The following HERC4 variants were observed in gnomAD, a reference collection of about 807,000 sequenced individuals.
The protein encoded by HERC4 is probable E3 ubiquitin-protein ligase HERC4.
Under a neutral mutation model 124.3 loss-of-function variants are expected in HERC4, and 28 were observed. That is an observed-to-expected ratio of 0.23 (90% CI 0.17 to 0.31). The LOEUF is 0.31. Among genes scored for constraint, HERC4 ranks in the 10% least tolerant of loss-of-function variants. The pLI is 1.00. For synonymous variants in HERC4, 407 were observed against 421.5 expected (o/e 0.97, Z 0.42); for missense variants, 713 against 1,229.3 (o/e 0.58, Z 6.28).
chr10:67,996,864 T>C (rs1444908434), intron 9 of HERC4, among the ~76,000 whole-genome samples: 1 of 151,902 alleles, frequency 6.6e-6, no homozygotes, highest in African/African-American at 2.4e-5. Flanking sequence ...GGCAGGTGCC[T>C]GTAGTCCCGG....
chr10:67,962,134 T>C (rs1290677934), intron 16 of HERC4, among the ~76,000 whole-genome samples: 1 of 151,876 alleles, frequency 6.6e-6, no homozygotes, highest in Non-Finnish European at 1.5e-5. Flanking sequence ...TATACCCTTA[T>C]CCTCACATAT....
intron 9 of HERC4, among the ~76,000 whole-genome samples, chr10:68,009,023 C>G (rs2133062329): frequency 6.6e-6 from 1 of 152,162 alleles, no homozygotes; most frequent in South Asian, 2.1e-4. Flanking sequence ...AAGTCTGAGA[C>G]CAGACTGGCC....
At chr10:67,993,917 G>A (rs1276566433) in intron 9 of HERC4, 1 of 152,098 alleles carries the variant, frequency 6.6e-6, no homozygotes, top group Middle Eastern at 3.4e-3. Flanking sequence ...TGTGACCATG[G>A]CTGCTATAGA....
At chr10:67,975,065 T>C (rs2035501665) in intron 15 of HERC4, among the ~76,000 whole-genome samples, 1 of 152,122 alleles carries the variant, frequency 6.6e-6, no homozygotes, top group African/African-American at 2.4e-5. Context: ...GGCGCACGCC[T>C]GTAGTCCCAG....
chr10:68,020,492 C>G (rs371980331), intron 8 of HERC4, among the ~76,000 whole-genome samples: 5 of 151,882 alleles, frequency 3.3e-5, no homozygotes, highest in Admixed American at 3.3e-4. Context: ...TTGGGCCGGG[C>G]GCGGTGGCTC....
Position 68,074,029 on chromosome 10 carries a change from TATTTA to T in HERC4, c.-108-348_-108-344del, listed in dbSNP as rs2041693487. 8 of 152,298 alleles carry T rather than the reference TATTTA, an allele frequency of 5.3e-5. No individual in the cohort carries two copies. The South Asian group carries it at 1.5e-3, about 28-fold the overall frequency. 9.4% of individuals were successfully genotyped at this position (152,298 alleles called of 1,614,324 possible). ...TATCTATCTATATCTCTGAGACAAT[TATTTA>T]AAGATTGGCGGGGGGGAATTGCAAA... is the stretch of plus-strand genomic sequence containing the variant. On this transcript the variant is annotated intron_variant, in intron 1 of 24. Transcript: ENST00000373700.
chr10:68,073,160 C>A lies in HERC4; in HGVS notation c.-52G>T. The stretch of plus-strand genomic sequence containing the variant: ...TTCAATAAAAAATTCTCTTCTGAAA[C>A]CCCGGAAAGTTGGAGGTACCCTATG... On this transcript the variant is annotated 5_prime_UTR_variant, in exon 3 of 25. Coordinates refer to ENST00000373700, the MANE Select transcript of HERC4 (RefSeq NM_015601.4). The A allele has an allele frequency of 6.7e-7, 1 of 1,496,174 alleles. No individual in the cohort carries two copies. The highest frequency in any genetic ancestry group is 2.3e-5 in the East Asian group (1 of 44,054). The allele number at this position is 1,496,174 out of a possible 1,614,324, so 92.7% of individuals were successfully genotyped here.
At chr10:68,021,764 C>A (rs1000239131) in intron 8 of HERC4, among the ~76,000 whole-genome samples, 1 of 151,950 alleles carries the variant, frequency 6.6e-6, no homozygotes, top group Admixed American at 6.6e-5. Flanking sequence ...GCCGAGATCA[C>A]GCCATTGCAC....
At position 67,970,611 on chromosome 10, in the gene HERC4, C is replaced by CAAACA. The variant is rs1252196108; in HGVS notation, c.1807-3814_1807-3810dup. On this transcript the variant is annotated intron_variant, in intron 15 of 24. Coordinates refer to ENST00000373700, the MANE Select transcript of HERC4 (RefSeq NM_015601.4). ...TGTCTCAAAAAAAAAAAAAAATCAA[C>CAAACA]AAACAAAACAAAACAAAAAAGTGTC... Among the ~76,000 whole-genome samples the CAAACA allele has an allele frequency of 2.7e-5, 4 of 148,586 alleles. No homozygotes were observed. In the East Asian group the frequency reaches 7.9e-4, roughly 29 times the overall value.
At chr10:68,010,412 T>C in intron 9 of HERC4, 1 of 965,920 alleles carries the variant, frequency 1.0e-6, no homozygotes, top group Non-Finnish European at 1.6e-6. Context: ...AATCCTCTCA[T>C]GGTGCATAAT....
chr10:67,925,242 A>T (rs2030765274), intron 23 of HERC4, 55 bp from the exon 24 acceptor site: 2 of 956,858 alleles, frequency 2.1e-6, no homozygotes, highest in South Asian at 3.0e-5. Flanking sequence ...CTAATATATT[A>T]GCACATAAAG....
intron 3 of HERC4, among the ~76,000 whole-genome samples, chr10:68,053,775 T>C (rs553339430): frequency 6.6e-6 from 1 of 152,180 alleles, no homozygotes; most frequent in Non-Finnish European, 1.5e-5. Context: ...GGCAGTTCTG[T>C]GAATGCCCAT....
intron 19 of HERC4, among the ~76,000 whole-genome samples, chr10:67,953,875 G>C (rs1351389710): frequency 6.6e-6 from 1 of 152,156 alleles, no homozygotes; most frequent in Non-Finnish European, 1.5e-5. Context: ...TGATGAATTA[G>C]AGTCTAGGCA....
chr10:67,984,382 A>C lies in HERC4; in HGVS notation c.1806+4281T>G, dbSNP rs114787676. Among the ~76,000 whole-genome samples the C allele has an allele frequency of 5.9e-3, 891 of 152,158 alleles. 12 individuals are homozygous for C. The highest frequency in any genetic ancestry group is 0.021 in the African/African-American group (856 of 41,506). ...AACTGGAGGACATTATTTAAGTGAAATAAGCCAGGCACAGAGACAAATATC... is the reference window on the plus strand; with the variant it reads ...AACTGGAGGACATTATTTAAGTGAACTAAGCCAGGCACAGAGACAAATATC... On this transcript the variant is annotated intron_variant, in intron 15 of 24. Transcript: ENST00000373700.
intron 9 of HERC4, among the ~76,000 whole-genome samples, chr10:67,997,363 GAAC>G (rs2036949097): frequency 1.3e-5 from 2 of 152,078 alleles, no homozygotes; most frequent in Non-Finnish European, 2.9e-5. Flanking sequence ...GAGGAAAAAA[GAAC>G]AAAGGCTCCT....
At chr10:67,952,282 A>G (rs2033845090) in intron 19 of HERC4, among the ~76,000 whole-genome samples, 1 of 152,066 alleles carries the variant, frequency 6.6e-6, no homozygotes, top group Non-Finnish European at 1.5e-5. Flanking sequence ...CCTTACCTCT[A>G]TCCAAACAGC....
chr10:67,934,059 C>A (rs1406105173), intron 22 of HERC4, among the ~76,000 whole-genome samples: 1 of 152,182 alleles, frequency 6.6e-6, no homozygotes, highest in Non-Finnish European at 1.5e-5. Flanking sequence ...CTATTTAACT[C>A]TTTTTGCTAT....
chr10:67,971,670 C>A (rs2035243790), intron 15 of HERC4, among the ~76,000 whole-genome samples: 1 of 150,832 alleles, frequency 6.6e-6, no homozygotes, highest in Non-Finnish European at 1.5e-5. Flanking sequence ...CCACCCCCCA[C>A]CGACATTTAA....
chr10:68,056,585 T>C (rs1299248166), intron 3 of HERC4, among the ~76,000 whole-genome samples: 1 of 152,058 alleles, frequency 6.6e-6, no homozygotes, highest in African/African-American at 2.4e-5. Flanking sequence ...CAAGGAGTAA[T>C]GATGGAGATG....
Sources: allele counts gnomAD v4.1 joint callset (sites outside exome capture counted in the v4.1 genomes callset), GRCh38; gene constraint gnomAD v4.1.1; transcripts MANE v1.5; gene names NCBI Gene and HGNC (gene_info 2026-07-23, HGNC 2026-07-21).